Variants in BLVRA observed in about 807,000 individuals in gnomAD.
BLVRA encodes biliverdin reductase A.
A neutral mutation model predicts 32.8 loss-of-function variants in BLVRA; 22 were observed. That is an observed-to-expected ratio of 0.67 (90% CI 0.48 to 0.96). The LOEUF is 0.96. Ranked by LOEUF, BLVRA falls within the 40% of genes least tolerant of loss-of-function variation. BLVRA has a pLI of 0.00. For missense variants in BLVRA, 323 were observed against 358.1 expected (o/e 0.90, Z 0.79); for synonymous variants, 119 against 141.3 (o/e 0.84, Z 1.12).
At chr7:43,783,759 T>A (rs2095773242) in intron 2 of BLVRA, among the ~76,000 whole-genome samples, 1 of 152,176 alleles carries the variant, frequency 6.6e-6, no homozygotes, top group South Asian at 2.1e-4. Context: ...TCCTGCAACA[T>A]ATGAACATAC....
At chr7:43,784,691 C>T (rs567310506) in intron 2 of BLVRA, among the ~76,000 whole-genome samples, 2 of 150,796 alleles carry the variant, frequency 1.3e-5, no homozygotes, top group Admixed American at 1.3e-4. Context: ...GCAACCCCTG[C>T]CTCCCCGGTT....
intron 2 of BLVRA, among the ~76,000 whole-genome samples, chr7:43,771,733 G>A (rs1190984570): frequency 1.3e-5 from 2 of 152,200 alleles, no homozygotes; most frequent in South Asian, 4.1e-4. Context: ...ATCCCCACAA[G>A]AGGGGGGTCT....
chr7:43,807,123 A>G lies in BLVRA; in HGVS notation c.779A>G (p.Gln260Arg), dbSNP rs2095804807. ...CTGAAAGATCAAAATATATTTGTCC[A>G]GAAACTCTTGGGCCAGTTCTCTGAG... ...IFLKDQNIFV[Q>R]KLLGQFSEKE... Residue 260 changes from glutamine to arginine, a missense_variant, in exon 8 of 8, where the codon CAG (glutamine) becomes CGG (arginine). Physicochemically the swap from Gln to Arg is conservative, Grantham distance 43 (BLOSUM62 1). Coordinates refer to ENST00000265523, the MANE Select transcript of BLVRA (RefSeq NM_000712.4). 6.2e-7 allele frequency: 1 copy of G among 1,614,202 alleles called. No individual in the cohort carries two copies. Among genetic ancestry groups the G allele is most frequent in the Non-Finnish European group, 8.5e-7 (1 of 1,180,044 alleles).
intron 5 of BLVRA, among the ~76,000 whole-genome samples, chr7:43,793,826 G>A (rs2095788815): frequency 6.6e-6 from 1 of 151,484 alleles, no homozygotes; most frequent in African/African-American, 2.4e-5. Context: ...GTTTCACGAT[G>A]TTGGACACAA....
At chr7:43,777,246 T>C (rs1373220266) in intron 2 of BLVRA, among the ~76,000 whole-genome samples, 2 of 152,154 alleles carry the variant, frequency 1.3e-5, no homozygotes, top group Non-Finnish European at 2.9e-5. Context: ...CTTGATGGTC[T>C]TTACAATTTG....
Position 43,801,119 on chromosome 7 carries a change from C to T in BLVRA, c.460+547C>T, listed in dbSNP as rs17246044. ...GGCTCAAGCAGTCCTCCCACCTCAG[C>T]CTTCCAAGTAGCTGGAAACACAGAT... is the stretch of plus-strand genomic sequence containing the variant. On this transcript the variant is annotated intron_variant, in intron 6 of 7. Transcript: ENST00000265523. Among the ~76,000 whole-genome samples the T allele has an allele frequency of 4.2e-3, 642 of 152,258 alleles. 9 individuals carry two copies. The highest frequency in any genetic ancestry group is 0.015 in the African/African-American group (604 of 41,530).
intron 5 of BLVRA, among the ~76,000 whole-genome samples, chr7:43,796,537 C>T (rs1585739146): frequency 6.6e-6 from 1 of 152,188 alleles, no homozygotes; most frequent in Non-Finnish European, 1.5e-5. Flanking sequence ...ACTTACCTTA[C>T]ACCATATAAA....
chr7:43,788,175 G>T, intron 3 of BLVRA, 150 bp downstream of exon 3: 2 of 1,423,738 alleles, frequency 1.4e-6, no homozygotes, highest in Admixed American at 3.7e-5. Context: ...AAGATCTCAG[G>T]TTGGGATGGG....
At chr7:43,777,701 T>A (rs1231861834) in intron 2 of BLVRA, among the ~76,000 whole-genome samples, 2 of 152,174 alleles carry the variant, frequency 1.3e-5, no homozygotes, top group Non-Finnish European at 2.9e-5. Flanking sequence ...CCTTGCTAGA[T>A]TGGGGAAGTT....
At chr7:43,797,663 T>G (rs1044103151) in intron 5 of BLVRA, among the ~76,000 whole-genome samples, 5 of 152,218 alleles carry the variant, frequency 3.3e-5, no homozygotes, top group Non-Finnish European at 4.4e-5. Context: ...CAAACCTCAT[T>G]CAAATTTCAC....
intron 2 of BLVRA, among the ~76,000 whole-genome samples, chr7:43,773,300 C>T (rs1470766868): frequency 6.6e-6 from 1 of 152,006 alleles, no homozygotes; most frequent in Non-Finnish European, 1.5e-5. Flanking sequence ...CCCCCCACCC[C>T]ACAACAGTCC....
rs1223380525 is a variant in BLVRA at position 43,767,682 on chromosome 7, T to C, written c.-21-3456T>C. 8.9e-6 allele frequency: 5 copies of C among 559,614 alleles called. No individual in the cohort carries two copies. In the East Asian group the frequency reaches 1.9e-4, roughly 21 times the overall value. The allele number at this position is 559,614 out of a possible 1,614,324, so 34.7% of individuals were successfully genotyped here. A position where few individuals can be genotyped will look rare whatever the true frequency, so the allele number is the denominator to read the frequency against. On this transcript the variant is annotated intron_variant, in intron 1 of 7. Transcript: ENST00000265523. The stretch of plus-strand genomic sequence containing the variant: ...GGGGGGACATCTGATTTGAATAAAA[T>C]TGAAAGAACATGTTAAAGTCAGTCT...
intron 5 of BLVRA, among the ~76,000 whole-genome samples, chr7:43,793,467 C>T (rs1311698317): frequency 6.6e-6 from 1 of 152,158 alleles, no homozygotes; most frequent in Non-Finnish European, 1.5e-5. Flanking sequence ...TCCCCTAAGC[C>T]ATACCACCCT....
At chr7:43,793,277 T>C (rs991593704) in intron 5 of BLVRA, among the ~76,000 whole-genome samples, 5 of 152,248 alleles carry the variant, frequency 3.3e-5, no homozygotes, top group African/African-American at 1.2e-4. Context: ...GCACTTCATA[T>C]GTTATTTTGC....
chr7:43,802,242 A>G (rs1047765650), intron 6 of BLVRA, among the ~76,000 whole-genome samples: 3 of 152,188 alleles, frequency 2.0e-5, no homozygotes, highest in African/African-American at 7.2e-5. Flanking sequence ...CAGTGATTTC[A>G]AACCATATTG....
rs1015635429 is a variant in BLVRA, at chr7:43,791,258, C to A, written c.144C>A (p.Leu48=). 6.2e-7 allele frequency: 1 copy of A among 1,613,978 alleles called. No homozygotes were observed. The highest frequency in any genetic ancestry group is 1.7e-5 in the Admixed American group (1 of 59,992). ...NLIGFVSRRE[L]GSIDGVQQIS... The stretch of plus-strand genomic sequence containing the variant: ...TGTTACTCTGAAATAGAAGGGAGCT[C>A]GGGAGCATTGATGGAGTCCAGCAGA... Residue 48 remains leucine (L), a synonymous_variant, in exon 4 of 8, where the codon CTC becomes CTA. Transcript: ENST00000265523.
At chr7:43,784,563 C>T (rs1475007348) in intron 2 of BLVRA, among the ~76,000 whole-genome samples, 1 of 150,118 alleles carries the variant, frequency 6.7e-6, no homozygotes, top group Admixed American at 6.6e-5. Flanking sequence ...CTAAGAGCAG[C>T]TTGACTATTA....
chr7:43,792,088 T>C (rs1358968605), intron 4 of BLVRA, among the ~76,000 whole-genome samples: 1 of 152,236 alleles, frequency 6.6e-6, no homozygotes, highest in Non-Finnish European at 1.5e-5. Flanking sequence ...GAATGAAATC[T>C]GAACTGCTGA....
intron 3 of BLVRA, 97 bp downstream of exon 3, chr7:43,788,122 G>A: frequency 6.3e-7 from 1 of 1,595,126 alleles, no homozygotes; most frequent in Non-Finnish European, 8.6e-7. Flanking sequence ...AGGGCAGGGA[G>A]AGCCATCTCC....
Sources: gnomAD v4.1 joint callset for allele counts (sites outside exome capture counted in the v4.1 genomes callset) on GRCh38, gnomAD v4.1.1 for gene constraint, MANE v1.5 for transcripts, NCBI Gene and HGNC (gene_info 2026-07-23, HGNC 2026-07-21) for gene names.